The following LRRN4 variants were observed in gnomAD, a reference collection of about 807,000 sequenced individuals.
LRRN4 encodes the protein leucine rich repeat neuronal 4, also known as leucine-rich repeat neuronal protein 4.
In LRRN4, 26 loss-of-function variants were observed where a neutral mutation model predicts 22.3. The observed-to-expected ratio is 1.16, with a 90% CI of 0.85 to 1.62. The LOEUF (loss-of-function observed/expected upper bound fraction) is 1.62, where lower values mean the gene tolerates loss of function less well. Ranked by LOEUF, LRRN4 falls within the 40% of genes most tolerant of loss-of-function variation. The probability of loss-of-function intolerance (pLI) is 0.00; values close to 1 mark genes in which losing one functional copy is unlikely to be tolerated. For missense variants in LRRN4, 1,070 were observed against 1,008.5 expected (o/e 1.06, Z -0.83); for synonymous variants, 496 against 486.2 (o/e 1.02, Z -0.26).
Position 6,052,461 on chromosome 20 carries a change from C to G in LRRN4, c.339G>C (p.Ala113=). The part of the protein sequence containing the change: ...VLTLRHNRIA[A]LRWGPGGPAG... ...CCGGCCCACCCGGGCCCCAGCGCAG[C>G]GCGGCGATGCGGTTGTGGCGCAGGG... Residue 113 remains alanine (A), a synonymous_variant, in exon 2 of 5, where the codon GCG becomes GCC. Transcript: ENST00000378858. 1 of 1,560,396 alleles carries G rather than the reference C, an allele frequency of 6.4e-7. No individual in the cohort carries two copies. The highest frequency in any genetic ancestry group is 1.9e-4 in the Middle Eastern group (1 of 5,280).
intron 4 of LRRN4, among the ~76,000 whole-genome samples, chr20:6,042,594 T>C (rs1350934386): frequency 6.6e-6 from 1 of 152,188 alleles, no homozygotes; most frequent in Non-Finnish European, 1.5e-5. Context: ...TGTTCTCACC[T>C]GTCTGCTTCC....
chr20:6,052,137 G>T lies in LRRN4; in HGVS notation c.655+8C>A. ...GGCCGGCTGAAAACGCGGGGCGCCC[G>T]GACTCACCCCGTTCAAGGAACGTGC... On this transcript the variant is annotated splice_region_variant and intron_variant, in intron 2 of 4. Coordinates refer to ENST00000378858, the MANE Select transcript of LRRN4 (RefSeq NM_152611.5). The T allele has an allele frequency of 6.3e-7, 1 of 1,584,126 alleles. No individual in the cohort carries two copies. Among genetic ancestry groups the T allele is most frequent in the African/African-American group, 1.4e-5 (1 of 74,002 alleles).
Position 6,040,958 on chromosome 20 carries a change from CG to C in LRRN4, c.*63del. The C allele has an allele frequency of 1.3e-6, 2 of 1,588,774 alleles. No individual in the cohort carries two copies. The highest frequency in any genetic ancestry group is 1.7e-6 in the Non-Finnish European group (2 of 1,168,440). ...AGGAGCGGATGGGGTCGTTTTTGAC[CG>C]TCTGTGTCTTCCTTTTTGCGCTCAG... On this transcript the variant is annotated 3_prime_UTR_variant, in exon 5 of 5. Transcript: ENST00000378858.
At chr20:6,044,803 G>A in intron 3 of LRRN4, 123 bp from the exon 4 acceptor site, 1 of 891,736 alleles carries the variant, frequency 1.1e-6, no homozygotes, top group Non-Finnish European at 1.5e-6. Flanking sequence ...AGGGGTTGGA[G>A]AATACCGCTT....
In LRRN4 at chr20:6,041,285, C is replaced by G. The variant is rs267606035; in HGVS notation, c.1960G>C (p.Ala654Pro). The G allele has an allele frequency of 1.9e-6, 3 of 1,591,956 alleles. No individual in the cohort carries two copies. The South Asian group carries it at 3.3e-5, about 18-fold the overall frequency. The change falls in exon 5 of 5, where the codon GCC (alanine) becomes CCC (proline). Residue 654 changes from alanine to proline, a missense_variant. Ala to Pro is a conservative substitution (Grantham distance 27, BLOSUM62 -1). Coordinates refer to ENST00000378858, the MANE Select transcript of LRRN4 (RefSeq NM_152611.5). The surrounding 1 kb of genome is among the most constrained non-coding windows in gnomAD (Gnocchi z 9.4). ...GTTYRVCVLA[A>P]NRAGLSQPRS... ...GGCTGGCTCAAGCCCGCCCTGTTGGCCGCCAGCACGCACACGCGGTAGGTG... is the reference window on the plus strand; with the variant it reads ...GGCTGGCTCAAGCCCGCCCTGTTGGGCGCCAGCACGCACACGCGGTAGGTG...
rs1600401684 is a variant in LRRN4 at position 6,041,090 on chromosome 20, T to C, written c.2155A>G (p.Thr719Ala). Residue 719 changes from threonine to alanine, a missense_variant, in exon 5 of 5, where the codon ACG becomes GCG. Transcript: ENST00000378858. The surrounding 1 kb of genome is among the most constrained non-coding windows in gnomAD (Gnocchi z 9.4). ...GQTLGLQRCD[T>A]HLVAYKNPAF... ...GGGTTTTTGTAGGCCACCAGGTGCG[T>C]GTCGCAGCGCTGCAGGCCCAGCGTC... 6.2e-7 allele frequency: 1 copy of C among 1,613,642 alleles called. No homozygotes were observed.
rs577983869 is a variant in LRRN4 at position 6,046,052 on chromosome 20, G to A, written c.861-1372C>T. 4.0e-5 allele frequency among the ~76,000 whole-genome samples: 6 copies of A among 149,278 alleles called. No homozygotes were observed. In the South Asian group the frequency reaches 1.3e-3, roughly 32 times the overall value. On this transcript the variant is annotated intron_variant, in intron 3 of 4. Coordinates refer to ENST00000378858, the MANE Select transcript of LRRN4 (RefSeq NM_152611.5). ...GGGCCTGGTGCAATGGCTCATGCCTGTAATCCTAGCCCTTTGGGAGGCCAA... is the reference window on the plus strand; with the variant it reads ...GGGCCTGGTGCAATGGCTCATGCCTATAATCCTAGCCCTTTGGGAGGCCAA...
In LRRN4 at chr20:6,052,538, G is replaced by C; in HGVS notation, c.262C>G (p.Arg88Gly). Residue 88 changes from arginine (R) to glycine (G), a missense_variant, in exon 2 of 5, where the codon CGC becomes GGC. Coordinates refer to ENST00000378858, the MANE Select transcript of LRRN4 (RefSeq NM_152611.5). ...CCGAGCTCGGAAGTGCTCAGGGCGC[G>C]CAGCAGGTTGTGGCTGGCGTCGAGG... ...RSLDASHNLL[R>G]ALSTSELGHL... The C allele has an allele frequency of 6.3e-7, 1 of 1,588,010 alleles. No individual in the cohort carries two copies. Among genetic ancestry groups the C allele is most frequent in the South Asian group, 1.1e-5 (1 of 88,884 alleles).
intron 3 of LRRN4, among the ~76,000 whole-genome samples, chr20:6,050,555 T>C (rs573015654): frequency 6.6e-6 from 1 of 152,344 alleles, no homozygotes; most frequent in East Asian, 1.9e-4. Context: ...TTTGGCGTTC[T>C]AATGCTACTC....
chr20:6,050,663 A>G, intron 3 of LRRN4, 116 bp downstream of exon 3: 1 of 1,023,076 alleles, frequency 9.8e-7, no homozygotes, highest in Non-Finnish European at 1.5e-6. Context: ...AGCCCCAGAG[A>G]GGATTTGGAA....
rs757496503 is a variant in LRRN4 at position 6,046,173 on chromosome 20, A to G, written c.861-1493T>C. Among the ~76,000 whole-genome samples the G allele has an allele frequency of 2.8e-4, 42 of 148,468 alleles. 3 individuals carry two copies. Among genetic ancestry groups the G allele is most frequent in the Non-Finnish European group, 1.5e-4 (10 of 66,406 alleles). ...AAAAAAATTTAACAATTGGCCAGGC[A>G]TGGTGGAGTACACCTGTGGTCCCAG... is the stretch of plus-strand genomic sequence containing the variant. On this transcript the variant is annotated intron_variant, in intron 3 of 4. Coordinates refer to ENST00000378858, the MANE Select transcript of LRRN4 (RefSeq NM_152611.5).
intron 1 of LRRN4, among the ~76,000 whole-genome samples, chr20:6,053,346 C>G (rs1981313522): frequency 6.6e-6 from 1 of 152,150 alleles, no homozygotes; most frequent in Non-Finnish European, 1.5e-5. Context: ...TAAAATAAGT[C>G]TTGGAGTCAG....
Position 6,046,084 on chromosome 20 carries a change from AG to A in LRRN4, c.861-1405del, listed in dbSNP as rs575316717. On this transcript the variant is annotated intron_variant, in intron 3 of 4. Coordinates refer to ENST00000378858, the MANE Select transcript of LRRN4 (RefSeq NM_152611.5). ...TAGCCCTTTGGGAGGCCAAGGTGGG[AG>A]GATCATTTGAGGCCAGGAGTTTCAG... Among the ~76,000 whole-genome samples, 556 of 148,800 alleles carry A rather than the reference AG, an allele frequency of 3.7e-3. 30 individuals carry two copies. Among genetic ancestry groups the A allele is most frequent in the African/African-American group, 0.013 (528 of 41,020 alleles).
At position 6,040,908 on chromosome 20, in the gene LRRN4, T is replaced by A. The variant is rs1980905862; in HGVS notation, c.*114A>T. 3 of 1,434,122 alleles carry A rather than the reference T, an allele frequency of 2.1e-6. No homozygotes were observed. Among genetic ancestry groups the A allele is most frequent in the Non-Finnish European group, 2.8e-6 (3 of 1,058,806 alleles). The allele number at this position is 1,434,122 out of a possible 1,614,324, so 88.8% of individuals were successfully genotyped here. ...AGTTCCATGTGTGCTCAAGGCATTC[T>A]GGCTTCACGGGAATTAGAAACCCTA... On this transcript the variant is annotated 3_prime_UTR_variant, in exon 5 of 5. Transcript: ENST00000378858.
chr20:6,050,708 C>T lies in LRRN4; in HGVS notation c.860+71G>A. The T allele has an allele frequency of 2.1e-6, 3 of 1,420,026 alleles. No individual in the cohort carries two copies. In the East Asian group the frequency reaches 6.8e-5, roughly 32 times the overall value. The allele number at this position is 1,420,026 out of a possible 1,614,324, so 88.0% of individuals were successfully genotyped here. The stretch of plus-strand genomic sequence containing the variant: ...GAGAAAAATTAAGGTCTGGTTTGTT[C>T]TATAAAATTCAACATAGCGTAATGG... On this transcript the variant is annotated intron_variant, in intron 3 of 4. Coordinates refer to ENST00000378858, the MANE Select transcript of LRRN4 (RefSeq NM_152611.5).
Position 6,040,823 on chromosome 20 carries a change from AGAGTT to A in LRRN4, c.*194_*198del. ...CATTGACCATCAGGTTTCTGGGAAC[AGAGTT>A]AAGTAGAAGGAAGGGAGGGCAGCAG... On this transcript the variant is annotated 3_prime_UTR_variant, in exon 5 of 5. Coordinates refer to ENST00000378858, the MANE Select transcript of LRRN4 (RefSeq NM_152611.5). 5.8e-6 allele frequency: 4 copies of A among 687,760 alleles called. No homozygotes were observed. The highest frequency in any genetic ancestry group is 9.5e-6 in the Non-Finnish European group (4 of 421,674). 42.6% of individuals were successfully genotyped at this position (687,760 alleles called of 1,614,324 possible).
Position 6,040,796 on chromosome 20 carries a change from G to A in LRRN4, c.*226C>T, listed in dbSNP as rs1451650301. 3.2e-6 allele frequency: 2 copies of A among 617,756 alleles called. No individual in the cohort carries two copies. Among genetic ancestry groups the A allele is most frequent in the African/African-American group, 1.9e-5 (1 of 53,648 alleles). The allele number at this position is 617,756 out of a possible 1,614,324, so 38.3% of individuals were successfully genotyped here. A position where few individuals can be genotyped will look rare whatever the true frequency, so the allele number is the denominator to read the frequency against. ...GCCTGGCGGCAGTGGGGAGCGATCT[G>A]GCATTGACCATCAGGTTTCTGGGAA... On this transcript the variant is annotated 3_prime_UTR_variant, in exon 5 of 5. Coordinates refer to ENST00000378858, the MANE Select transcript of LRRN4 (RefSeq NM_152611.5).
chr20:6,046,232 A>G (rs918171253), intron 3 of LRRN4, among the ~76,000 whole-genome samples: 14 of 148,928 alleles, frequency 9.4e-5, no homozygotes, highest in Middle Eastern at 3.7e-3. Context: ...GGATTGCTTG[A>G]GTTAGAGGTT....
chr20:6,050,459 CAG>C (rs1384116186), intron 3 of LRRN4, among the ~76,000 whole-genome samples: 1 of 152,212 alleles, frequency 6.6e-6, no homozygotes, highest in African/African-American at 2.4e-5. Flanking sequence ...CAGATCCAGA[CAG>C]AGAGGAGACC....
Sources: allele counts gnomAD v4.1 joint callset (sites outside exome capture counted in the v4.1 genomes callset), GRCh38; gene constraint gnomAD v4.1.1; non-coding constraint Gnocchi (gnomAD v3.1); transcripts MANE v1.5; gene names NCBI Gene and HGNC (gene_info 2026-07-23, HGNC 2026-07-21).